The following PLCH1 variants were observed in gnomAD, a reference collection of about 807,000 sequenced individuals.
PLCH1 encodes the protein 1-phosphatidylinositol 4,5-bisphosphate phosphodiesterase eta-1.
PLCH1 carries 60 observed loss-of-function variants against 126.7 expected under a neutral mutation model. The ratio of observed to expected loss-of-function variants is 0.47; its 90% confidence interval spans 0.38 to 0.59. PLCH1 has a LOEUF of 0.59. Ranked by LOEUF, PLCH1 falls within the 20% of genes least tolerant of loss-of-function variation. PLCH1 has a pLI of 0.00. For synonymous variants in PLCH1, 719 were observed against 734.9 expected, an observed-to-expected ratio of 0.98 and a Z score of 0.35; for missense variants, 1,723 against 2,040.0, an observed-to-expected ratio of 0.84 and a Z score of 2.99.
In PLCH1 at chr3:155,549,783, T is replaced by C. The variant is rs200119436; in HGVS notation, c.1362+4A>G. On this transcript the variant is annotated splice_donor_region_variant and intron_variant, in intron 10 of 22. Transcript: ENST00000460012. ...TCTTTTATTGCATTACTTGAAGTAA[T>C]TACCTTCACTAGAATTTTGCCTTTC... The C allele has an allele frequency of 2.3e-4, 362 of 1,603,312 alleles. 1 individual carries two copies. The African/African-American group carries it at 4.6e-3, about 21-fold the overall frequency.
intron 10 of PLCH1, among the ~76,000 whole-genome samples, chr3:155,543,867 C>G (rs529690477): frequency 9.0e-4 from 136 of 151,764 alleles, no homozygotes; most frequent in Middle Eastern, 6.8e-3. Context: ...CAGGCCTGCC[C>G]TAAAAGAGCT....
chr3:155,633,552 C>T (rs1738331288), intron 2 of PLCH1, among the ~76,000 whole-genome samples: 1 of 152,048 alleles, frequency 6.6e-6, no homozygotes, highest in African/African-American at 2.4e-5. Context: ...GCTATATCTC[C>T]CATACCTGCC....
chr3:155,730,122 C>G (rs1294949002), intron 1 of PLCH1, among the ~76,000 whole-genome samples: 1 of 151,896 alleles, frequency 6.6e-6, no homozygotes, highest in Non-Finnish European at 1.5e-5. Context: ...AATCCTCTAA[C>G]AGGTCAATAA....
At position 155,500,772 on chromosome 3, in the gene PLCH1, T is replaced by C. The variant is rs748790113; in HGVS notation, c.1727A>G (p.Lys576Arg). 3.1e-6 allele frequency: 5 copies of C among 1,612,878 alleles called. No homozygotes were observed. ...KHKKTTKSRS[K>R]SYSTDDEEDT... ...TTCCTCATCATCAGTACTGTAAGATTTAGACCGTGATTTTGTAGTTTTCTG... is the reference window on the plus strand; with the variant it reads ...TTCCTCATCATCAGTACTGTAAGATCTAGACCGTGATTTTGTAGTTTTCTG... The change falls in exon 14 of 23, where the codon AAA (lysine) becomes AGA (arginine). Residue 576 changes from lysine to arginine, a missense_variant. Transcript: ENST00000460012.
chr3:155,654,974 C>T (rs1038491366), intron 2 of PLCH1, among the ~76,000 whole-genome samples: 2 of 152,176 alleles, frequency 1.3e-5, no homozygotes, highest in Non-Finnish European at 2.9e-5. Flanking sequence ...GGCCTCCTTG[C>T]TATTACTTAA....
chr3:155,667,418 A>G (rs1742846644), intron 2 of PLCH1, among the ~76,000 whole-genome samples: 1 of 152,236 alleles, frequency 6.6e-6, no homozygotes, highest in Non-Finnish European at 1.5e-5. Context: ...TAAGAAAATA[A>G]ATTATCTATT....
At chr3:155,470,395 G>A (rs1327447898) in intron 21 of PLCH1, among the ~76,000 whole-genome samples, 2 of 152,218 alleles carry the variant, frequency 1.3e-5, no homozygotes, top group East Asian at 1.9e-4. Context: ...AAAAAGAAAC[G>A]AGTAAAGCCT....
At chr3:155,493,215 T>C (rs1716519907) in intron 17 of PLCH1, among the ~76,000 whole-genome samples, 2 of 152,196 alleles carry the variant, frequency 1.3e-5, no homozygotes, top group South Asian at 4.1e-4. Flanking sequence ...AGACTTGAAA[T>C]TAAGTAAACA....
intron 2 of PLCH1, among the ~76,000 whole-genome samples, chr3:155,613,695 T>C (rs1233328125): frequency 1.3e-5 from 2 of 152,002 alleles, no homozygotes; most frequent in Admixed American, 6.6e-5. Flanking sequence ...AGACAACATA[T>C]ACTGAATAAG....
intron 2 of PLCH1, among the ~76,000 whole-genome samples, chr3:155,699,465 A>G (rs1426503804): frequency 6.6e-6 from 1 of 152,194 alleles, no homozygotes; most frequent in East Asian, 1.9e-4. Context: ...TTCTGGACCT[A>G]GAAAAGGAGA....
intron 2 of PLCH1, among the ~76,000 whole-genome samples, chr3:155,615,382 C>T (rs1219790081): frequency 1.3e-5 from 2 of 152,062 alleles, no homozygotes; most frequent in Non-Finnish European, 2.9e-5. Context: ...GTGGAGATTC[C>T]TTAAAGAACA....
chr3:155,600,156 G>A (rs1443904374), intron 2 of PLCH1, among the ~76,000 whole-genome samples: 1 of 152,102 alleles, frequency 6.6e-6, no homozygotes, highest in African/African-American at 2.4e-5. Context: ...AGTTGACAAT[G>A]CCTTGTAATT....
chr3:155,522,968 G>A (rs185064956), intron 11 of PLCH1, among the ~76,000 whole-genome samples: 1 of 147,574 alleles, frequency 6.8e-6, no homozygotes, highest in Non-Finnish European at 1.5e-5. Context: ...TTTTGCGGGG[G>A]GGGTGGGGTG....
At chr3:155,521,883 A>G (rs1576897980) in intron 11 of PLCH1, among the ~76,000 whole-genome samples, 1 of 152,236 alleles carries the variant, frequency 6.6e-6, no homozygotes, top group African/African-American at 2.4e-5. Context: ...ACTTTCACTT[A>G]GGGCCAAACC....
At chr3:155,564,418 A>C (rs1176261247) in intron 8 of PLCH1, among the ~76,000 whole-genome samples, 3 of 152,000 alleles carry the variant, frequency 2.0e-5, no homozygotes, top group Non-Finnish European at 1.5e-5. Context: ...AAAAAAAATT[A>C]GTTGGGTGTG....
chr3:155,548,784 T>G (rs1443593011), intron 10 of PLCH1, among the ~76,000 whole-genome samples: 1 of 152,242 alleles, frequency 6.6e-6, no homozygotes, highest in East Asian at 1.9e-4. Context: ...TATAAATGCC[T>G]AGCAACACCT....
chr3:155,546,559 A>G (rs1351470552), intron 10 of PLCH1, among the ~76,000 whole-genome samples: 1 of 152,226 alleles, frequency 6.6e-6, no homozygotes, highest in East Asian at 1.9e-4. Flanking sequence ...ATATGGAACC[A>G]AAAAAGAGCC....
chr3:155,648,127 A>G (rs761172859), intron 2 of PLCH1, among the ~76,000 whole-genome samples: 66 of 152,334 alleles, frequency 4.3e-4, no homozygotes, highest in Admixed American at 8.5e-4. Context: ...TAGTCATCTT[A>G]AAATCCCCCA....
At chr3:155,518,873 T>A in intron 11 of PLCH1, among the ~76,000 whole-genome samples, 1 of 152,282 alleles carries the variant, frequency 6.6e-6, no homozygotes, top group East Asian at 1.9e-4. Context: ...TCTGTGGCCA[T>A]AACACCAAGT....
Sources: allele counts gnomAD v4.1 joint callset (sites outside exome capture counted in the v4.1 genomes callset), GRCh38; gene constraint gnomAD v4.1.1; transcripts MANE v1.5; gene names NCBI Gene and HGNC (gene_info 2026-07-23, HGNC 2026-07-21).